The following USP35 variants were observed in gnomAD, a reference collection of about 807,000 sequenced individuals.
USP35 encodes the protein ubiquitin carboxyl-terminal hydrolase 35.
USP35 carries 69 observed loss-of-function variants against 83.8 expected under a neutral mutation model. The ratio of observed to expected loss-of-function variants is 0.82; its 90% confidence interval spans 0.68 to 1.01. The LOEUF is 1.01. Ranked by LOEUF, USP35 falls within the 50% of genes least tolerant of loss-of-function variation. The pLI, the probability that USP35 is intolerant of heterozygous loss-of-function variation, is 0.00. For synonymous variants in USP35, 714 were observed against 589.5 expected, an observed-to-expected ratio of 1.21 and a Z score of -3.06; for missense variants, 1,503 against 1,362.5, an observed-to-expected ratio of 1.10 and a Z score of -1.62.
rs577602664 is a variant in USP35, at chr11:78,200,523, G to A, written c.1039-127G>A. On this transcript the variant is annotated intron_variant, in intron 5 of 10. Transcript: ENST00000529308. ...AGAGCTCAGAGCCCCATCTGGGTCA[G>A]GGGACAGTGGTCAGGTGGGCAAGCC... 5.1e-6 allele frequency: 7 copies of A among 1,379,902 alleles called. No individual in the cohort carries two copies. In the Admixed American group the frequency reaches 1.5e-4, roughly 31 times the overall value. 85.5% of individuals were successfully genotyped at this position (1,379,902 alleles called of 1,614,324 possible). A position where few individuals can be genotyped will look rare whatever the true frequency, so the allele number is the denominator to read the frequency against.
rs748315201 is a variant in USP35 at position 78,210,625 on chromosome 11, C to G, written c.2770C>G (p.Arg924Gly). 1.9e-6 allele frequency: 3 copies of G among 1,614,150 alleles called. No individual in the cohort carries two copies. Among genetic ancestry groups the G allele is most frequent in the Non-Finnish European group, 2.5e-6 (3 of 1,179,990 alleles). The change falls in exon 10 of 11, where the codon CGG becomes GGG. Residue 924 changes from arginine (R) to glycine (G), a missense_variant. Transcript: ENST00000529308. ...PKDTAYVLFY[R>G]QRPREGPEAE... is the part of the protein sequence containing the mutation. ...GGACACAGCCTATGTGCTGTTTTACCGGCAGCGGCCCAGGGAGGGGCCCGA... is the reference window on the plus strand; with the variant it reads ...GGACACAGCCTATGTGCTGTTTTACGGGCAGCGGCCCAGGGAGGGGCCCGA...
In USP35 at chr11:78,213,785, G is replaced by A. The variant is rs1863919602; in HGVS notation, c.3029G>A (p.Gly1010Asp). The change falls in exon 11 of 11, where the codon GGT becomes GAT. Residue 1010 changes from glycine (G) to aspartate (D), a missense_variant. Coordinates refer to ENST00000529308, the MANE Select transcript of USP35 (RefSeq NM_020798.4). ...GGCTGCAATCCTGCAGGTGGCAATGGTGGTGACTTCCACAGACTGGTCTTC... is the reference window on the plus strand; with the variant it reads ...GGCTGCAATCCTGCAGGTGGCAATGATGGTGACTTCCACAGACTGGTCTTC... ...PGGCNPAGGN[G>D]GDFHRLVF 11 of 1,550,996 alleles carry A rather than the reference G, an allele frequency of 7.1e-6. No homozygotes were observed. Among genetic ancestry groups the A allele is most frequent in the Non-Finnish European group, 9.5e-6 (11 of 1,156,866 alleles).
the USP35 span, chr11:78,223,710 T>C: frequency 6.5e-7 from 1 of 1,527,362 alleles, no homozygotes; most frequent in Non-Finnish European, 8.8e-7. Flanking sequence ...AATACAGCTG[T>C]TACTAGCAAG....
At position 78,214,758 on chromosome 11, in the gene USP35, G is replaced by C. The variant is rs1336058286; in HGVS notation, c.*945G>C. The C allele has an allele frequency of 6.6e-6, 1 of 150,900 alleles. No homozygotes were observed. 9.3% of individuals were successfully genotyped at this position (150,900 alleles called of 1,614,324 possible). A position where few individuals can be genotyped will look rare whatever the true frequency, so the allele number is the denominator to read the frequency against. ...GGGGCTGTGATGGCCACTGGGTTTT[G>C]CTCACGGGGTCTGGGGAGGCCAGGA... On this transcript the variant is annotated 3_prime_UTR_variant, in exon 11 of 11. Coordinates refer to ENST00000529308, the MANE Select transcript of USP35 (RefSeq NM_020798.4).
chr11:78,225,234 A>G, the USP35 span: 1 of 1,434,628 alleles, frequency 7.0e-7, no homozygotes, highest in African/African-American at 1.4e-5. Flanking sequence ...ATAAGTACTC[A>G]TGGTTGATTC....
the USP35 span, chr11:78,220,244 G>T: frequency 6.5e-7 from 1 of 1,527,438 alleles, no homozygotes; most frequent in Non-Finnish European, 9.0e-7. Context: ...AGTGTTGAAG[G>T]CACCCTGGCC....
chr11:78,213,555 G>GGAAACATT, intron 10 of USP35, 91 bp from the exon 11 acceptor site: 1 of 1,373,530 alleles, frequency 7.3e-7, no homozygotes, highest in Non-Finnish European at 9.4e-7. Flanking sequence ...GGGACCTAGA[G>GGAAACATT]GAAACATTGA....
At chr11:78,213,611 T>TCTAAGTCTAAGTCTCCTCTCATCTG in intron 10 of USP35, 35 bp from the exon 11 acceptor site, 2 of 965,964 alleles carry the variant, frequency 2.1e-6, no homozygotes, top group Non-Finnish European at 2.6e-6. Context: ...GGGTGTGAAT[T>TCTAAGTCTAAGTCTCCTCTCATCTG]CTAAGTCTAA....
At chr11:78,216,166 C>G (rs563190001), downstream of USP35, 1 of 152,696 alleles carries the variant, frequency 6.5e-6, no homozygotes, top group East Asian at 1.9e-4. Flanking sequence ...CACAGACAGG[C>G]AGATCAAGGA....
intron 8 of USP35, among the ~76,000 whole-genome samples, chr11:78,208,092 C>G (rs1489127294): frequency 6.6e-6 from 1 of 152,114 alleles, no homozygotes; most frequent in Non-Finnish European, 1.5e-5. Context: ...GATGAACTCA[C>G]CCTTTTATCA....
chr11:78,204,252 GGT>G lies in USP35; in HGVS notation c.1198-1589_1198-1588del, dbSNP rs144439664. Among the ~76,000 whole-genome samples the G allele has an allele frequency of 4.3e-3, 659 of 152,292 alleles. 7 individuals carry two copies. The highest frequency in any genetic ancestry group is 0.015 in the African/African-American group (609 of 41,542). ...TTGTTCTGTGGCTTCGAACACTCCT[GGT>G]ACAAGCCAGTTTGAGAGGCAAGGCA... On this transcript the variant is annotated intron_variant, in intron 6 of 10. Coordinates refer to ENST00000529308, the MANE Select transcript of USP35 (RefSeq NM_020798.4).
chr11:78,219,323 C>T (rs1419647842), downstream of USP35: 3 of 1,613,864 alleles, frequency 1.9e-6, no homozygotes, highest in East Asian at 2.2e-5. Flanking sequence ...CGTCTGTCCA[C>T]TCCTGCATGG....
chr11:78,193,482 G>A (rs1299370756), intron 1 of USP35, among the ~76,000 whole-genome samples: 2 of 150,694 alleles, frequency 1.3e-5, no homozygotes, highest in African/African-American at 4.9e-5. Context: ...TAAGATTACA[G>A]ACATGAGCCA....
Position 78,193,530 on chromosome 11 carries a change from T to G in USP35, c.-10-2706T>G, listed in dbSNP as rs979768664. ...GGGAGACCAGTTTTTAAAGACACTT[T>G]ATAGGCCTTTTGAGATTATACCTTG... On this transcript the variant is annotated intron_variant, in intron 1 of 10. Coordinates refer to ENST00000529308, the MANE Select transcript of USP35 (RefSeq NM_020798.4). Among the ~76,000 whole-genome samples the G allele has an allele frequency of 1.8e-4, 28 of 152,062 alleles. 1 individual carries two copies. The highest frequency in any genetic ancestry group is 1.8e-3 in the Admixed American group (28 of 15,260).
At chr11:78,220,516 T>G in the USP35 span, 3 of 1,357,768 alleles carry the variant, frequency 2.2e-6, no homozygotes, top group Non-Finnish European at 2.0e-6. Flanking sequence ...AAAACACCTC[T>G]GGGAGTAAGA....
At position 78,195,447 on chromosome 11, in the gene USP35, A is replaced by G. The variant is rs150857890; in HGVS notation, c.-10-789A>G. 2.3e-3 allele frequency among the ~76,000 whole-genome samples: 354 copies of G among 152,276 alleles called. 2 individuals are homozygous for G. Among genetic ancestry groups the G allele is most frequent in the African/African-American group, 7.9e-3 (330 of 41,534 alleles). On this transcript the variant is annotated intron_variant, in intron 1 of 10. Transcript: ENST00000529308. The stretch of plus-strand genomic sequence containing the variant: ...GAAGGAGCAGGGAGTTGAGGCAGAA[A>G]GAAAGAGTGCGAGGCATTCTGGGAC...
chr11:78,224,660 C>T, the USP35 span, among the ~76,000 whole-genome samples: 13 of 152,260 alleles, frequency 8.5e-5, no homozygotes, highest in South Asian at 4.1e-4. Context: ...TGGAGAACTG[C>T]GGTTAGCATC....
At chr11:78,233,381 TCTCA>T in the USP35 span, among the ~76,000 whole-genome samples, 164 of 152,342 alleles carry the variant, frequency 1.1e-3, 1 homozygote, top group Non-Finnish European at 1.9e-3. Context: ...TAAAGCAGAA[TCTCA>T]CTGAGATTTT....
At chr11:78,235,928 T>C in the USP35 span, among the ~76,000 whole-genome samples, 2 of 152,240 alleles carry the variant, frequency 1.3e-5, no homozygotes, top group East Asian at 3.8e-4. Context: ...CGCCCCACTC[T>C]ACTGGTACCA....
Sources: allele counts gnomAD v4.1 joint callset (sites outside exome capture counted in the v4.1 genomes callset), GRCh38; gene constraint gnomAD v4.1.1; transcripts MANE v1.5; gene names NCBI Gene and HGNC (gene_info 2026-07-23, HGNC 2026-07-21).